OR8J1: variants seen among roughly 807,000 people sequenced by gnomAD.
OR8J1 encodes the protein olfactory receptor 8J1.
For missense variants in OR8J1, 400 were observed against 373.0 expected, an observed-to-expected ratio of 1.07 and a Z score of -0.60; for synonymous variants, 157 against 144.3, an observed-to-expected ratio of 1.09 and a Z score of -0.63.
In OR8J1 at chr11:56,360,755, C is replaced by T. The variant is rs763347787; in HGVS notation, c.509C>T (p.Ser170Phe). 1.9e-5 allele frequency: 31 copies of T among 1,597,560 alleles called. No individual in the cohort carries two copies. The highest frequency in any genetic ancestry group is 2.5e-5 in the Non-Finnish European group (29 of 1,174,774). The change falls in exon 2 of 2, where the codon TCT becomes TTT. Residue 170 changes from serine (S) to phenylalanine (F), a missense_variant. By Grantham distance (155) the Ser-to-Phe change is radical (BLOSUM62 -2). Coordinates refer to ENST00000533152, the MANE Select transcript of OR8J1 (RefSeq NM_001005205.3). Reference sequence around the variant, plus strand: ...TATGTATTCTCTGTGTCTTATTGCTCTTCTAATATAATCAATCATTTTTAC... The same window carrying T: ...TATGTATTCTCTGTGTCTTATTGCTTTTCTAATATAATCAATCATTTTTAC... ...SSYVFSVSYC[S>F]SNIINHFYCD...
intron 1 of OR8J1, among the ~76,000 whole-genome samples, chr11:56,359,305 C>G (rs910087678): frequency 6.6e-6 from 1 of 151,464 alleles, no homozygotes; most frequent in Non-Finnish European, 1.5e-5. Flanking sequence ...GTAGTTATCA[C>G]AGAAAGTCTA....
At chr11:56,357,836 G>T (rs1854990580) in intron 1 of OR8J1, 1 of 993,070 alleles carries the variant, frequency 1.0e-6, no homozygotes, top group Non-Finnish European at 1.6e-6. Flanking sequence ...TTGGAGGCTT[G>T]TCTATCCCTC....
In OR8J1 at chr11:56,360,350, A is replaced by G; in HGVS notation, c.104A>G (p.Tyr35Cys). 4.3e-6 allele frequency: 7 copies of G among 1,614,050 alleles called. No homozygotes were observed. The highest frequency in any genetic ancestry group is 1.1e-5 in the South Asian group (1 of 91,070). Residue 35 changes from tyrosine (Y) to cysteine (C), a missense_variant, in exon 2 of 2, where the codon TAT (tyrosine) becomes TGT (cysteine). Transcript: ENST00000533152. ...CTCTTCCTGGTCTTTCTGGTGCTCT[A>G]TGGGCTGACCATGGCAGGGAACCTG... is the stretch of plus-strand genomic sequence containing the variant. ...IPLFLVFLVL[Y>C]GLTMAGNLGI...
intron 1 of OR8J1, among the ~76,000 whole-genome samples, chr11:56,355,541 T>C (rs1309856361): frequency 1.3e-5 from 2 of 151,958 alleles, no homozygotes; most frequent in Admixed American, 6.6e-5. Context: ...GGCAGGAGAA[T>C]CACTTGAACC....
chr11:56,356,335 TA>T (rs895489209), intron 1 of OR8J1, among the ~76,000 whole-genome samples: 4 of 152,226 alleles, frequency 2.6e-5, no homozygotes, highest in East Asian at 3.8e-4. Context: ...CTTTTGTGAT[TA>T]AAAATCACTT....
chr11:56,360,510 G>C lies in OR8J1; in HGVS notation c.264G>C (p.Lys88Asn). The C allele has an allele frequency of 6.2e-7, 1 of 1,614,094 alleles. No homozygotes were observed. Among genetic ancestry groups the C allele is most frequent in the Non-Finnish European group, 8.5e-7 (1 of 1,180,014 alleles). The part of the protein sequence containing the change: ...APKMLINFLV[K>N]KKTTSFYECA... ...AAATGCTGATTAACTTTTTAGTAAAGAAGAAAACTACCTCATTCTATGAAT... is the reference window on the plus strand; with the variant it reads ...AAATGCTGATTAACTTTTTAGTAAACAAGAAAACTACCTCATTCTATGAAT... Residue 88 changes from lysine (K) to asparagine (N), a missense_variant, in exon 2 of 2, where the codon AAG (lysine) becomes AAC (asparagine). Lys to Asn is a moderately conservative substitution (Grantham distance 94, BLOSUM62 0). Coordinates refer to ENST00000533152, the MANE Select transcript of OR8J1 (RefSeq NM_001005205.3).
At chr11:56,354,678 A>G (rs1854944581) in intron 1 of OR8J1, among the ~76,000 whole-genome samples, 1 of 152,232 alleles carries the variant, frequency 6.6e-6, no homozygotes, top group African/African-American at 2.4e-5. Context: ...TATATTGTAC[A>G]GGATAGCCTA....
intron 1 of OR8J1, among the ~76,000 whole-genome samples, chr11:56,356,340 A>G (rs1854968081): frequency 6.6e-6 from 1 of 152,232 alleles, no homozygotes; most frequent in East Asian, 1.9e-4. Flanking sequence ...GTGATTAAAA[A>G]TCACTTTTTA....
In OR8J1 at chr11:56,360,503, T is replaced by C. The variant is rs1416128201; in HGVS notation, c.257T>C (p.Leu86Ser). The part of the protein sequence containing the change: ...VIAPKMLINF[L>S]VKKKTTSFYE... Reference sequence around the variant, plus strand: ...GCCCCTAAAATGCTGATTAACTTTTTAGTAAAGAAGAAAACTACCTCATTC... The same window carrying C: ...GCCCCTAAAATGCTGATTAACTTTTCAGTAAAGAAGAAAACTACCTCATTC... Residue 86 changes from leucine to serine, a missense_variant, in exon 2 of 2, where the codon TTA becomes TCA. By Grantham distance (145) the Leu-to-Ser change is moderately radical. Coordinates refer to ENST00000533152, the MANE Select transcript of OR8J1 (RefSeq NM_001005205.3). 20 of 1,614,176 alleles carry C rather than the reference T, an allele frequency of 1.2e-5. No individual in the cohort carries two copies. The highest frequency in any genetic ancestry group is 1.6e-5 in the Non-Finnish European group (19 of 1,180,024).
intron 1 of OR8J1, chr11:56,357,698 G>C (rs372964445): frequency 5.7e-6 from 9 of 1,584,512 alleles, no homozygotes; most frequent in Non-Finnish European, 7.7e-6. Context: ...AAGTGGAGGC[G>C]ACTAGTGATG....
At chr11:56,359,994 T>C (rs919518618) in intron 1 of OR8J1, among the ~76,000 whole-genome samples, 1 of 152,194 alleles carries the variant, frequency 6.6e-6, no homozygotes, top group Non-Finnish European at 1.5e-5. Context: ...ATCCTCAAAA[T>C]GTTTCATGAT....
At chr11:56,355,613 G>A (rs948645861) in intron 1 of OR8J1, among the ~76,000 whole-genome samples, 6 of 152,042 alleles carry the variant, frequency 3.9e-5, no homozygotes, top group African/African-American at 1.2e-4. Flanking sequence ...GGGTGAAACA[G>A]GGAGACTCAG....
Position 56,360,994 on chromosome 11 carries a change from A to C in OR8J1, c.748A>C (p.Ile250Leu). 1 of 1,478,464 alleles carries C rather than the reference A, an allele frequency of 6.8e-7. No individual in the cohort carries two copies. Among genetic ancestry groups the C allele is most frequent in the Non-Finnish European group, 8.9e-7 (1 of 1,118,874 alleles). The allele number at this position is 1,478,464 out of a possible 1,614,324, so 91.6% of individuals were successfully genotyped here. A position where few individuals can be genotyped will look rare whatever the true frequency, so the allele number is the denominator to read the frequency against. Residue 250 changes from isoleucine (I) to leucine (L), a missense_variant, in exon 2 of 2, where the codon ATT (isoleucine) becomes CTT (leucine). Coordinates refer to ENST00000533152, the MANE Select transcript of OR8J1 (RefSeq NM_001005205.3). ...TCASHMMAVT[I>L]FYGTLLFMYV... ...TGCTTCACATATGATGGCAGTCACAATTTTTTATGGGACATTGCTATTCAT... is the reference window on the plus strand; with the variant it reads ...TGCTTCACATATGATGGCAGTCACACTTTTTTATGGGACATTGCTATTCAT...
chr11:56,359,391 G>A (rs1458221706), intron 1 of OR8J1, among the ~76,000 whole-genome samples: 1 of 151,762 alleles, frequency 6.6e-6, no homozygotes, highest in Non-Finnish European at 1.5e-5. Flanking sequence ...TCAACTGAAA[G>A]AGCAGATATA....
In OR8J1 at chr11:56,360,843, C is replaced by A; in HGVS notation, c.597C>A (p.Val199=). Residue 199 remains valine, a synonymous_variant, in exon 2 of 2, where the codon GTC becomes GTA. Coordinates refer to ENST00000533152, the MANE Select transcript of OR8J1 (RefSeq NM_001005205.3). ...ATACTTACTTACCAGAAACAGTTGT[C>A]TTTATATCTGCAGCAACAAATGTGG... ...CSDTYLPETV[V]FISAATNVVG... is the part of the protein sequence containing the mutation. 7.3e-6 allele frequency: 11 copies of A among 1,514,296 alleles called. No individual in the cohort carries two copies. Among genetic ancestry groups the A allele is most frequent in the Non-Finnish European group, 9.7e-6 (11 of 1,137,042 alleles). 93.8% of individuals were successfully genotyped at this position (1,514,296 alleles called of 1,614,324 possible).
In OR8J1 at chr11:56,357,340, G is replaced by A; in HGVS notation, c.-20-2887G>A. ...CAGCAGGACGGAGTTTGTTAAAGTT[G>A]TTAAGAGTAAGGCCTACTTTAAGAG... On this transcript the variant is annotated intron_variant, in intron 1 of 1. Transcript: ENST00000533152. The A allele has an allele frequency of 4.7e-6, 3 of 638,102 alleles. No homozygotes were observed. The South Asian group carries it at 5.2e-5, about 11-fold the overall frequency. 39.5% of individuals were successfully genotyped at this position (638,102 alleles called of 1,614,324 possible). A position where few individuals can be genotyped will look rare whatever the true frequency, so the allele number is the denominator to read the frequency against.
chr11:56,357,703 G>T (rs1349125003), intron 1 of OR8J1: 4 of 1,585,442 alleles, frequency 2.5e-6, no homozygotes, highest in Non-Finnish European at 3.4e-6. Context: ...GAGGCGACTA[G>T]TGATGAATAC....
chr11:56,357,154 G>C (rs1027685322), intron 1 of OR8J1, among the ~76,000 whole-genome samples: 3 of 151,990 alleles, frequency 2.0e-5, no homozygotes, highest in Non-Finnish European at 4.4e-5. Context: ...TTCCTGCCCT[G>C]CCTCGAGCTT....
intron 1 of OR8J1, among the ~76,000 whole-genome samples, chr11:56,359,328 A>G (rs1285203422): frequency 6.6e-6 from 1 of 152,076 alleles, no homozygotes; most frequent in Non-Finnish European, 1.5e-5. Context: ...AAATAACAAT[A>G]TTTACTCATT....
Sources: gnomAD v4.1 joint callset for allele counts (sites outside exome capture counted in the v4.1 genomes callset) on GRCh38, gnomAD v4.1.1 for gene constraint, MANE v1.5 for transcripts, NCBI Gene and HGNC (gene_info 2026-07-23, HGNC 2026-07-21) for gene names.